SNAP91: variants seen among roughly 807,000 people sequenced by gnomAD.
The protein encoded by SNAP91 is clathrin coat assembly protein AP180.
Under a neutral mutation model 100.3 loss-of-function variants are expected in SNAP91, and 27 were observed. That is an observed-to-expected ratio of 0.27 (90% CI 0.20 to 0.37). The LOEUF (loss-of-function observed/expected upper bound fraction) is 0.37, where lower values mean the gene tolerates loss of function less well. SNAP91 is among the 10% of genes least tolerant of loss of function. The pLI, the probability that SNAP91 is intolerant of heterozygous loss-of-function variation, is 1.00. For missense variants in SNAP91, 986 were observed against 1,123.7 expected (o/e 0.88, Z 1.75); for synonymous variants, 404 against 398.6 (o/e 1.01, Z -0.16).
intron 12 of SNAP91, among the ~76,000 whole-genome samples, chr6:83,610,096 C>T (rs755004500): frequency 6.6e-6 from 1 of 152,074 alleles, no homozygotes; most frequent in Non-Finnish European, 1.5e-5. Context: ...CCCAGCAATT[C>T]CACTTCTGGG....
At chr6:83,616,658 C>G (rs1314228461) in intron 10 of SNAP91, among the ~76,000 whole-genome samples, 1 of 152,062 alleles carries the variant, frequency 6.6e-6, no homozygotes, top group Non-Finnish European at 1.5e-5. Context: ...ATGATAACAG[C>G]TTTGATTTTT....
chr6:83,599,204 G>A (rs2094869354), intron 16 of SNAP91, among the ~76,000 whole-genome samples: 3 of 152,066 alleles, frequency 2.0e-5, no homozygotes, highest in Non-Finnish European at 4.4e-5. Flanking sequence ...CAGCATAATG[G>A]CATGAAGAAT....
At position 83,601,203 on chromosome 6, in the gene SNAP91, A is replaced by G. The variant is rs552920135; in HGVS notation, c.1324+68T>C. 2.3e-5 allele frequency: 35 copies of G among 1,518,742 alleles called. No individual in the cohort carries two copies. The South Asian group carries it at 3.6e-4, about 16-fold the overall frequency. The allele number at this position is 1,518,742 out of a possible 1,614,324, so 94.1% of individuals were successfully genotyped here. The stretch of plus-strand genomic sequence containing the variant: ...GCTGTTACATAACGGAAAAAATTTT[A>G]AAGACCTTAACTCCCAAGTAATTTT... On this transcript the variant is annotated intron_variant, in intron 16 of 29. Transcript: ENST00000369694.
chr6:83,582,463 T>C (rs1829885843), intron 22 of SNAP91, 107 bp from the exon 23 acceptor site: 2 of 1,169,936 alleles, frequency 1.7e-6, no homozygotes, highest in Admixed American at 2.7e-5. Context: ...ATTAATTGCA[T>C]GTTGATTAGC....
At chr6:83,555,324 T>A (rs747750116) in intron 29 of SNAP91, among the ~76,000 whole-genome samples, 1 of 152,176 alleles carries the variant, frequency 6.6e-6, no homozygotes, top group African/African-American at 2.4e-5. Context: ...GAAAACAACA[T>A]TGGACAAGAG....
intron 2 of SNAP91, among the ~76,000 whole-genome samples, chr6:83,699,165 G>A (rs1353058483): frequency 6.6e-6 from 1 of 152,064 alleles, no homozygotes; most frequent in Non-Finnish European, 1.5e-5. Context: ...TAGCCAACAT[G>A]ACCTCAGAGT....
intron 8 of SNAP91, among the ~76,000 whole-genome samples, chr6:83,629,239 GT>G (rs2097106134): frequency 6.6e-6 from 1 of 152,120 alleles, no homozygotes; most frequent in South Asian, 2.1e-4. Flanking sequence ...TTTTACACAA[GT>G]ACCATGTTGT....
chr6:83,641,410 CAAAT>C (rs1452881082), intron 7 of SNAP91, among the ~76,000 whole-genome samples: 1 of 152,068 alleles, frequency 6.6e-6, no homozygotes, highest in Non-Finnish European at 1.5e-5. Context: ...TCATCTGTCT[CAAAT>C]AAAACAATTT....
At chr6:83,691,945 T>C (rs1015530650) in intron 2 of SNAP91, among the ~76,000 whole-genome samples, 1 of 152,192 alleles carries the variant, frequency 6.6e-6, no homozygotes, top group Non-Finnish European at 1.5e-5. Context: ...ATAAGTTATA[T>C]TTTGATAATT....
rs745646904 is a variant in SNAP91, at chr6:83,707,932, T to C, written c.-5A>G. The C allele has an allele frequency of 5.1e-6, 8 of 1,577,128 alleles. No individual in the cohort carries two copies. Among genetic ancestry groups the C allele is most frequent in the South Asian group, 1.2e-5 (1 of 84,684 alleles). On this transcript the variant is annotated 5_prime_UTR_variant, in exon 2 of 30. Transcript: ENST00000369694. ...CGTGAGCGTTTGGCCCGACATCTTC[T>C]GTGGTCGCGTCTACCGCCTCCTCTT...
chr6:83,608,091 A>C (rs933727417), intron 12 of SNAP91, among the ~76,000 whole-genome samples: 5 of 152,222 alleles, frequency 3.3e-5, no homozygotes, highest in Admixed American at 6.5e-5. Flanking sequence ...TAAAAGCTAA[A>C]TGTATTTCCT....
In SNAP91 at chr6:83,607,804, G is replaced by A; in HGVS notation, c.917C>T (p.Ser306Phe). The A allele has an allele frequency of 6.3e-7, 1 of 1,575,344 alleles. No individual in the cohort carries two copies. The highest frequency in any genetic ancestry group is 2.3e-5 in the East Asian group (1 of 43,416). The change falls in exon 13 of 30, where the codon TCT (serine) becomes TTT (phenylalanine). Residue 306 changes from serine to phenylalanine, a missense_variant. Around this residue, in one of 4 missense-constraint regions of SNAP91, gnomAD observed 330 missense variants for 447.5 expected, o/e 0.74. Transcript: ENST00000369694. ...AGGAGACGTAACAGTTGTGGCTGGA[G>A]AAGACTGAAAGTGAAGATGCACAAC... The part of the protein sequence containing the change: ...SGAPSPLSKS[S>F]PATTVTSPNS...
chr6:83,579,445 C>A (rs1824777192), intron 24 of SNAP91, among the ~76,000 whole-genome samples: 1 of 152,154 alleles, frequency 6.6e-6, no homozygotes, highest in African/African-American at 2.4e-5. Context: ...TTGCTCAAAT[C>A]ACAGGGAAGG....
Position 83,601,397 on chromosome 6 carries a change from T to C in SNAP91, c.1198A>G (p.Ile400Val). 1 of 1,613,598 alleles carries C rather than the reference T, an allele frequency of 6.2e-7. No homozygotes were observed. Reference sequence around the variant, plus strand: ...GGTTCTGGTGCAAATGGATCTGAAATCTGTGCTTCAGAGGGAACAGAGGAA... The same window carrying C: ...GGTTCTGGTGCAAATGGATCTGAAACCTGTGCTTCAGAGGGAACAGAGGAA... ...ALSSVPSEAQ[I>V]SDPFAPEPTP... is the part of the protein sequence containing the mutation. The change falls in exon 16 of 30, where the codon ATT becomes GTT. Residue 400 changes from isoleucine (I) to valine (V), a missense_variant. Ile to Val is a conservative substitution (Grantham distance 29). This residue lies in a region of SNAP91 where 575 missense variants were observed against 579.9 expected (regional missense o/e 0.99). Coordinates refer to ENST00000369694, the MANE Select transcript of SNAP91 (RefSeq NM_001242792.2).
chr6:83,640,857 C>T (rs1032591065), intron 8 of SNAP91, among the ~76,000 whole-genome samples: 1 of 152,064 alleles, frequency 6.6e-6, no homozygotes, highest in Admixed American at 6.6e-5. Context: ...ATCCATGAAA[C>T]TTTTATTTGA....
rs537540474 is a variant in SNAP91 at position 83,675,346 on chromosome 6, T to C, written c.131-9765A>G. Among the ~76,000 whole-genome samples the C allele has an allele frequency of 2.0e-5, 3 of 152,380 alleles. No individual in the cohort carries two copies. In the South Asian group the frequency reaches 6.2e-4, roughly 32 times the overall value. Reference sequence around the variant, plus strand: ...TGATACAGCTGAATACTTGTATTTTTATATTAACATGTGAACTTCAAAGTA... The same window carrying C: ...TGATACAGCTGAATACTTGTATTTTCATATTAACATGTGAACTTCAAAGTA... On this transcript the variant is annotated intron_variant, in intron 2 of 29. Coordinates refer to ENST00000369694, the MANE Select transcript of SNAP91 (RefSeq NM_001242792.2).
Position 83,597,449 on chromosome 6 carries a change from C to T in SNAP91, c.1325-2968G>A, listed in dbSNP as rs138750799. ...CAAACTAAAGTTATTTCCAGTTCAGCTCTCCTTTTCATGTTACCCATTTGC... is the reference window on the plus strand; with the variant it reads ...CAAACTAAAGTTATTTCCAGTTCAGTTCTCCTTTTCATGTTACCCATTTGC... On this transcript the variant is annotated intron_variant, in intron 16 of 29. Transcript: ENST00000369694. Among the ~76,000 whole-genome samples the T allele has an allele frequency of 8.5e-3, 1,299 of 152,268 alleles. 15 individuals are homozygous for T. The highest frequency in any genetic ancestry group is 0.029 in the African/African-American group (1,217 of 41,538).
chr6:83,656,413 C>T (rs190869467), intron 7 of SNAP91, among the ~76,000 whole-genome samples: 2 of 152,176 alleles, frequency 1.3e-5, no homozygotes, highest in Non-Finnish European at 2.9e-5. Context: ...GCTGAGTCCT[C>T]AGTTGGCCAA....
At chr6:83,614,799 G>GT in intron 11 of SNAP91, 58 bp downstream of exon 11, 4 of 1,326,054 alleles carry the variant, frequency 3.0e-6, no homozygotes, top group South Asian at 1.4e-5. Flanking sequence ...TCTTAAGAGT[G>GT]TTTTTTGCAT....
Sources: allele counts gnomAD v4.1 joint callset (sites outside exome capture counted in the v4.1 genomes callset), GRCh38; gene constraint gnomAD v4.1.1; regional missense constraint gnomAD v4.1.1; transcripts MANE v1.5; gene names NCBI Gene and HGNC (gene_info 2026-07-23, HGNC 2026-07-21).